The following GRM7 variants were observed in gnomAD, a reference collection of about 807,000 sequenced individuals.
GRM7 encodes the protein metabotropic glutamate receptor 7.
Under a neutral mutation model 84.5 loss-of-function variants are expected in GRM7, and 35 were observed. The observed-to-expected ratio is 0.41, with a 90% CI of 0.32 to 0.55. GRM7 has a LOEUF of 0.55. GRM7 is among the 20% of genes least tolerant of loss of function. The probability of loss-of-function intolerance (pLI) is 0.19; values close to 1 mark genes in which losing one functional copy is unlikely to be tolerated. For synonymous variants in GRM7, 487 were observed against 455.1 expected, an observed-to-expected ratio of 1.07 and a Z score of -0.89; for missense variants, 1,003 against 1,194.6, an observed-to-expected ratio of 0.84 and a Z score of 2.36.
chr3:7,402,836 C>G (rs1382399526), intron 4 of GRM7, among the ~76,000 whole-genome samples: 1 of 149,092 alleles, frequency 6.7e-6, no homozygotes, highest in African/African-American at 2.5e-5. Flanking sequence ...TCTTTTTCCC[C>G]TCTCAGACTT....
intron 1 of GRM7, among the ~76,000 whole-genome samples, chr3:6,912,540 G>A (rs1696807065): frequency 6.6e-6 from 1 of 152,110 alleles, no homozygotes; most frequent in Admixed American, 6.6e-5. Flanking sequence ...GGCTGTGGAT[G>A]AATATTTTGA....
At chr3:7,359,470 G>A (rs1275946139) in intron 4 of GRM7, among the ~76,000 whole-genome samples, 1 of 146,298 alleles carries the variant, frequency 6.8e-6, no homozygotes, top group Non-Finnish European at 1.5e-5. Flanking sequence ...GAGTATCTGG[G>A]ATTACAGGAG....
At chr3:7,372,990 A>G (rs905738618) in intron 4 of GRM7, among the ~76,000 whole-genome samples, 4 of 152,166 alleles carry the variant, frequency 2.6e-5, no homozygotes, top group African/African-American at 9.7e-5. Flanking sequence ...TCAAGTTGCC[A>G]TTTAGAAAGC....
chr3:7,614,758 T>C (rs1429899198), intron 8 of GRM7, among the ~76,000 whole-genome samples: 2 of 152,238 alleles, frequency 1.3e-5, no homozygotes, highest in African/African-American at 4.8e-5. Context: ...AAATTATTAC[T>C]TTCATCAATT....
intron 2 of GRM7, among the ~76,000 whole-genome samples, chr3:7,248,856 A>G (rs780425371): frequency 6.6e-6 from 1 of 152,192 alleles, no homozygotes; most frequent in Non-Finnish European, 1.5e-5. Context: ...GTAGGTCACC[A>G]GTACAGGTAG....
At chr3:7,150,133 A>C (rs1307816760) in intron 2 of GRM7, among the ~76,000 whole-genome samples, 1 of 151,894 alleles carries the variant, frequency 6.6e-6, no homozygotes, top group Admixed American at 6.6e-5. Flanking sequence ...CATAGACTCA[A>C]TGGCATTGTT....
At chr3:7,368,816 C>G (rs570714678) in intron 4 of GRM7, among the ~76,000 whole-genome samples, 166 of 152,182 alleles carry the variant, frequency 1.1e-3, no homozygotes, top group African/African-American at 3.7e-3. Context: ...GTTCTTGATT[C>G]CCATCGTATC....
At chr3:7,550,432 CCCTT>C (rs1338721712) in intron 7 of GRM7, among the ~76,000 whole-genome samples, 6 of 139,750 alleles carry the variant, frequency 4.3e-5, no homozygotes, top group Admixed American at 7.2e-5. Context: ...CTCCCTCCCT[CCCTT>C]CCTTTCTTCC....
chr3:7,287,010 G>A (rs767382809), intron 2 of GRM7, among the ~76,000 whole-genome samples: 9 of 152,104 alleles, frequency 5.9e-5, no homozygotes, highest in Admixed American at 1.3e-4. Context: ...TTACTTGGGC[G>A]ATGGCTGGAG....
chr3:7,708,618 A>G (rs1435901170), intron 9 of GRM7, among the ~76,000 whole-genome samples: 1 of 152,182 alleles, frequency 6.6e-6, no homozygotes, highest in Non-Finnish European at 1.5e-5. Context: ...GCGAGCCTAA[A>G]CTTTCATTCA....
intron 1 of GRM7, among the ~76,000 whole-genome samples, chr3:6,933,811 G>A (rs962959388): frequency 4.0e-5 from 6 of 151,802 alleles, no homozygotes; most frequent in African/African-American, 1.2e-4. Flanking sequence ...GGTAATCAGG[G>A]CTTGATCCTA....
At chr3:7,138,937 T>G (rs1693855368) in intron 1 of GRM7, among the ~76,000 whole-genome samples, 1 of 150,936 alleles carries the variant, frequency 6.6e-6, no homozygotes, top group Non-Finnish European at 1.5e-5. Context: ...CAATGACAAG[T>G]GTAGGCACAT....
chr3:7,726,956 T>C (rs1702153538), intron 9 of GRM7, among the ~76,000 whole-genome samples: 1 of 151,924 alleles, frequency 6.6e-6, no homozygotes, highest in Non-Finnish European at 1.5e-5. Context: ...TCTCATCACA[T>C]TTTGTTTTGT....
chr3:7,374,444 AC>A (rs1559276535), intron 4 of GRM7, among the ~76,000 whole-genome samples: 2 of 151,734 alleles, frequency 1.3e-5, no homozygotes, highest in Non-Finnish European at 2.9e-5. Flanking sequence ...CTCCCAGAGC[AC>A]TGGGATTACA....
chr3:7,029,744 A>G (rs1157865425), intron 1 of GRM7, among the ~76,000 whole-genome samples: 1 of 152,194 alleles, frequency 6.6e-6, no homozygotes, highest in East Asian at 1.9e-4. Flanking sequence ...TGAGCACAGC[A>G]TTTCAGTTTG....
At chr3:7,040,528 C>T (rs530997841) in intron 1 of GRM7, among the ~76,000 whole-genome samples, 2 of 152,030 alleles carry the variant, frequency 1.3e-5, no homozygotes, top group Admixed American at 1.3e-4. Flanking sequence ...TGGTCTCGAT[C>T]TCCTGACCTG....
chr3:6,995,325 G>T (rs944669495), intron 1 of GRM7, among the ~76,000 whole-genome samples: 4 of 152,168 alleles, frequency 2.6e-5, no homozygotes, highest in Non-Finnish European at 4.4e-5. Flanking sequence ...ACAAATAATG[G>T]TCATAGACAA....
chr3:7,669,605 A>G (rs1156653582), intron 8 of GRM7, among the ~76,000 whole-genome samples: 1 of 152,216 alleles, frequency 6.6e-6, no homozygotes, highest in Non-Finnish European at 1.5e-5. Flanking sequence ...AAGGAGTCGA[A>G]GAACATGTGG....
At chr3:7,612,788 C>T (rs1295711794) in intron 8 of GRM7, among the ~76,000 whole-genome samples, 1 of 152,046 alleles carries the variant, frequency 6.6e-6, no homozygotes, top group Non-Finnish European at 1.5e-5. Flanking sequence ...ATTTGGGCAC[C>T]AAGGAAAGAA....
Sources: allele counts gnomAD v4.1 joint callset (sites outside exome capture counted in the v4.1 genomes callset), GRCh38; gene constraint gnomAD v4.1.1; transcripts MANE v1.5; gene names NCBI Gene and HGNC (gene_info 2026-07-23, HGNC 2026-07-21).